Variants in RBFOX1 observed in about 807,000 individuals in gnomAD.
The protein encoded by RBFOX1 is RNA binding protein fox-1 homolog 1.
In RBFOX1, 8 loss-of-function variants were observed where a neutral mutation model predicts 57.7. That is an observed-to-expected ratio of 0.14 (90% confidence interval 0.08 to 0.25). The LOEUF is 0.25. RBFOX1 is among the 10% of genes least tolerant of loss of function. The pLI is 1.00. For missense variants in RBFOX1, 611 were observed against 548.5 expected (o/e 1.11, Z -1.14); for synonymous variants, 326 against 222.4 (o/e 1.47, Z -4.15).
chr16:6,555,704 A>AAAAC (rs945586379), intron 2 of RBFOX1, among the ~76,000 whole-genome samples: 1 of 152,122 alleles, frequency 6.6e-6, no homozygotes, highest in African/African-American at 2.4e-5. Flanking sequence ...TGTCTGAAAA[A>AAAAC]AAAACAAAAC....
chr16:7,708,498 TGAATGG>T (rs3029195), intron 14 of RBFOX1, among the ~76,000 whole-genome samples: 50,437 of 151,828 alleles, frequency 0.33, 9,351 homozygotes, highest in Middle Eastern at 0.45. Context: ...TCAGTCTGAT[TGAATGG>T]GAATGGGAAT....
chr16:5,950,843 G>C (rs376755583), intron 4 of RBFOX1, among the ~76,000 whole-genome samples: 1 of 152,108 alleles, frequency 6.6e-6, no homozygotes, highest in Non-Finnish European at 1.5e-5. Flanking sequence ...CTGTTCTGCA[G>C]TGGTCCAAGT....
intron 4 of RBFOX1, among the ~76,000 whole-genome samples, chr16:7,161,420 C>T (rs2078297845): frequency 6.6e-6 from 1 of 152,118 alleles, no homozygotes; most frequent in Non-Finnish European, 1.5e-5. Flanking sequence ...GTATAAATAA[C>T]ATTTATACCT....
chr16:6,501,424 A>T (rs2095922644), intron 2 of RBFOX1, among the ~76,000 whole-genome samples: 1 of 151,366 alleles, frequency 6.6e-6, no homozygotes, highest in South Asian at 2.1e-4. Flanking sequence ...GTTTGCTAAG[A>T]ATGATGGTTT....
chr16:5,721,087 C>T (rs1402127322), intron 3 of RBFOX1, among the ~76,000 whole-genome samples: 2 of 152,004 alleles, frequency 1.3e-5, no homozygotes, highest in East Asian at 1.9e-4. Flanking sequence ...TATTTAGGTT[C>T]CTTTAAATTT....
At chr16:6,533,336 C>CT (rs977398142) in intron 2 of RBFOX1, among the ~76,000 whole-genome samples, 3 of 152,172 alleles carry the variant, frequency 2.0e-5, no homozygotes, top group African/African-American at 7.2e-5. Flanking sequence ...GAGAACCTGG[C>CT]TCAGAAAATA....
chr16:5,808,169 G>T (rs536930572), intron 3 of RBFOX1, among the ~76,000 whole-genome samples: 2 of 152,156 alleles, frequency 1.3e-5, no homozygotes, highest in African/African-American at 4.8e-5. Context: ...AAATGAGGCC[G>T]TTAGGATGGG....
intron 3 of RBFOX1, among the ~76,000 whole-genome samples, chr16:5,607,658 C>T (rs2047633450): frequency 6.6e-6 from 1 of 152,150 alleles, no homozygotes. Context: ...AGTGTCAGCT[C>T]TGTTGATGTA....
At chr16:6,957,434 G>C (rs2082105192) in intron 3 of RBFOX1, among the ~76,000 whole-genome samples, 1 of 152,114 alleles carries the variant, frequency 6.6e-6, no homozygotes, top group South Asian at 2.1e-4. Flanking sequence ...TGCTAAACAA[G>C]GGGTGGATTA....
chr16:7,705,759 T>TCA (rs2082232902), intron 14 of RBFOX1, among the ~76,000 whole-genome samples: 2 of 152,092 alleles, frequency 1.3e-5, no homozygotes, highest in Non-Finnish European at 2.9e-5. Context: ...GTTGAAAAAA[T>TCA]GAGACAAGAT....
chr16:6,652,248 A>G (rs1459794194), intron 2 of RBFOX1, among the ~76,000 whole-genome samples: 1 of 152,182 alleles, frequency 6.6e-6, no homozygotes, highest in Non-Finnish European at 1.5e-5. Context: ...CAAGAGATCG[A>G]GAGCATCCTG....
At chr16:6,787,457 T>A (rs1357373813) in intron 3 of RBFOX1, among the ~76,000 whole-genome samples, 1 of 152,152 alleles carries the variant, frequency 6.6e-6, no homozygotes, top group Non-Finnish European at 1.5e-5. Flanking sequence ...GGTTATACAG[T>A]TAGAGTGTGA....
chr16:5,472,122 A>T (rs1016737511), intron 2 of RBFOX1, among the ~76,000 whole-genome samples: 7 of 152,036 alleles, frequency 4.6e-5, no homozygotes, highest in African/African-American at 1.7e-4. Flanking sequence ...ACGGGGTGAG[A>T]ATCTTATTAT....
chr16:6,414,864 A>T (rs772372001), intron 2 of RBFOX1, among the ~76,000 whole-genome samples: 2 of 152,156 alleles, frequency 1.3e-5, no homozygotes. Flanking sequence ...TCTAGTGGAT[A>T]TAGGTCAAGG....
intron 5 of RBFOX1, among the ~76,000 whole-genome samples, chr16:7,551,188 C>G (rs189565259): frequency 2.0e-5 from 3 of 151,608 alleles, no homozygotes; most frequent in African/African-American, 7.3e-5. Flanking sequence ...CCTTAAAGAA[C>G]TTTTAAAAAG....
At chr16:6,690,404 T>G (rs1381926823) in intron 3 of RBFOX1, among the ~76,000 whole-genome samples, 1 of 152,062 alleles carries the variant, frequency 6.6e-6, no homozygotes, top group Non-Finnish European at 1.5e-5. Context: ...TAAAGGGCCA[T>G]CACACTTTTA....
chr16:6,916,602 C>T (rs550848599), intron 3 of RBFOX1, among the ~76,000 whole-genome samples: 16 of 152,158 alleles, frequency 1.1e-4, no homozygotes, highest in Non-Finnish European at 2.4e-4. Flanking sequence ...TAAGGCCTTC[C>T]ATCTTGCAAC....
At position 5,630,959 on chromosome 16, in the gene RBFOX1, A is replaced by G. The variant is rs1400734087; in HGVS notation, c.318+31998A>G. 2.6e-5 allele frequency among the ~76,000 whole-genome samples: 4 copies of G among 152,212 alleles called. No individual in the cohort carries two copies. The East Asian group carries it at 5.8e-4, about 22-fold the overall frequency. ...ATTCCAAAACAGCTGCAGAATGGCAACATTTGACATTTAAGAAAGGGAAAG... is the reference window on the plus strand; with the variant it reads ...ATTCCAAAACAGCTGCAGAATGGCAGCATTTGACATTTAAGAAAGGGAAAG... On this transcript the variant is annotated intron_variant, in intron 3 of 19. Transcript: ENST00000641259.
intron 3 of RBFOX1, among the ~76,000 whole-genome samples, chr16:6,751,299 G>C (rs2074893175): frequency 1.3e-5 from 2 of 152,162 alleles, no homozygotes; most frequent in South Asian, 4.1e-4. Context: ...GAAGTTGGCA[G>C]TGGTACGGGA....
Sources: allele counts gnomAD v4.1 joint callset (sites outside exome capture counted in the v4.1 genomes callset), GRCh38; gene constraint gnomAD v4.1.1; transcripts MANE v1.5; gene names NCBI Gene and HGNC (gene_info 2026-07-23, HGNC 2026-07-21).